TMEM132D: variants seen among roughly 807,000 people sequenced by gnomAD.
The protein encoded by TMEM132D is mature OL transmembrane protein.
A neutral mutation model predicts 62.3 loss-of-function variants in TMEM132D; 21 were observed. The observed-to-expected ratio is 0.34, with a 90% CI of 0.24 to 0.49. The LOEUF (loss-of-function observed/expected upper bound fraction) is 0.49, where lower values mean the gene tolerates loss of function less well. Ranked by LOEUF, TMEM132D falls within the 20% of genes least tolerant of loss-of-function variation. TMEM132D has a pLI of 0.99. For missense variants in TMEM132D, 1,346 were observed against 1,402.8 expected (o/e 0.96, Z 0.65); for synonymous variants, 621 against 575.6 (o/e 1.08, Z -1.13).
intron 1 of TMEM132D, among the ~76,000 whole-genome samples, chr12:129,790,598 A>C (rs1871375970): frequency 6.6e-6 from 1 of 152,040 alleles, no homozygotes; most frequent in African/African-American, 2.4e-5. Context: ...CCATAAGTGG[A>C]GCCTGGGGTT....
intron 1 of TMEM132D, among the ~76,000 whole-genome samples, chr12:129,714,917 G>A (rs570996916): frequency 3.3e-5 from 5 of 152,230 alleles, no homozygotes; most frequent in East Asian, 1.9e-4. Flanking sequence ...GACACAGAGC[G>A]CTGACTTTAT....
chr12:129,121,318 A>C (rs1876054117), intron 5 of TMEM132D, among the ~76,000 whole-genome samples: 1 of 151,716 alleles, frequency 6.6e-6, no homozygotes, highest in Non-Finnish European at 1.5e-5. Context: ...CTGGTCTCAA[A>C]CTCCTGACCT....
intron 5 of TMEM132D, among the ~76,000 whole-genome samples, chr12:129,122,554 T>G (rs1051742282): frequency 5.9e-5 from 9 of 152,192 alleles, no homozygotes; most frequent in Admixed American, 1.3e-4. Flanking sequence ...AGATATCTAT[T>G]GAATGATCAA....
chr12:129,866,997 C>T (rs115020850), intron 1 of TMEM132D, among the ~76,000 whole-genome samples: 2,986 of 152,052 alleles, frequency 0.02, 94 homozygotes, highest in African/African-American at 0.066. Context: ...CCTGTAATCC[C>T]GGCACCTTGC....
intron 1 of TMEM132D, among the ~76,000 whole-genome samples, chr12:129,876,541 C>G (rs796430673): frequency 2.5e-4 from 38 of 152,296 alleles, no homozygotes; most frequent in African/African-American, 8.4e-4. Context: ...CCAAGACCAA[C>G]TTGCTTAAAG....
chr12:129,567,452 T>C (rs1312869888), intron 2 of TMEM132D, among the ~76,000 whole-genome samples: 1 of 152,208 alleles, frequency 6.6e-6, no homozygotes, highest in Non-Finnish European at 1.5e-5. Context: ...TAAAAAAGTA[T>C]ATATGCAATA....
At chr12:129,605,089 T>C (rs1005930410) in intron 2 of TMEM132D, among the ~76,000 whole-genome samples, 1 of 152,180 alleles carries the variant, frequency 6.6e-6, no homozygotes, top group Non-Finnish European at 1.5e-5. Flanking sequence ...GTGATATAAA[T>C]CTGAGACACC....
chr12:129,473,274 C>T (rs1403175000), intron 3 of TMEM132D, among the ~76,000 whole-genome samples: 2 of 151,666 alleles, frequency 1.3e-5, no homozygotes, highest in South Asian at 2.1e-4. Flanking sequence ...CGATTAGGAC[C>T]CACTGAAGGC....
At chr12:129,411,804 G>A (rs751445656) in intron 3 of TMEM132D, among the ~76,000 whole-genome samples, 11 of 152,086 alleles carry the variant, frequency 7.2e-5, no homozygotes, top group South Asian at 2.1e-4. Context: ...TCGGCAGTCC[G>A]TCTTCCACAA....
At chr12:129,549,863 G>T (rs1167591086) in intron 2 of TMEM132D, among the ~76,000 whole-genome samples, 3 of 152,172 alleles carry the variant, frequency 2.0e-5, no homozygotes, top group Non-Finnish European at 4.4e-5. Flanking sequence ...TCATGCCCTT[G>T]CTGAGGACAA....
intron 3 of TMEM132D, among the ~76,000 whole-genome samples, chr12:129,450,788 A>G (rs1307254228): frequency 8.4e-6 from 1 of 119,084 alleles, no homozygotes; most frequent in African/African-American, 3.3e-5. Context: ...ACAGAGTCTC[A>G]CTCTGTCGCC....
intron 3 of TMEM132D, among the ~76,000 whole-genome samples, chr12:129,403,955 G>T (rs1385417318): frequency 7.2e-5 from 11 of 151,956 alleles, no homozygotes; most frequent in Non-Finnish European, 1.5e-5. Context: ...CGTGTTGGAG[G>T]GTCAGCAAGG....
chr12:129,454,115 C>T (rs1873387415), intron 3 of TMEM132D, among the ~76,000 whole-genome samples: 1 of 152,166 alleles, frequency 6.6e-6, no homozygotes, highest in East Asian at 1.9e-4. Context: ...GAATTTAATT[C>T]TTTGAGGTTA....
At chr12:129,266,054 TGA>T (rs1393702888) in intron 4 of TMEM132D, among the ~76,000 whole-genome samples, 3 of 152,156 alleles carry the variant, frequency 2.0e-5, no homozygotes, top group African/African-American at 7.2e-5. Context: ...CAATCTGCTC[TGA>T]GAGATTTTTG....
intron 4 of TMEM132D, among the ~76,000 whole-genome samples, chr12:129,314,222 T>C (rs1868406661): frequency 6.6e-6 from 1 of 152,224 alleles, no homozygotes; most frequent in African/African-American, 2.4e-5. Context: ...TTTCCAATGT[T>C]ATCTTCTAGA....
intron 1 of TMEM132D, among the ~76,000 whole-genome samples, chr12:129,847,672 T>C (rs1873405034): frequency 6.6e-6 from 1 of 152,100 alleles, no homozygotes; most frequent in African/African-American, 2.4e-5. Context: ...ACGTCCTTGC[T>C]CTATGACCGC....
At chr12:129,227,506 T>A (rs1182087832) in intron 4 of TMEM132D, among the ~76,000 whole-genome samples, 2 of 149,530 alleles carry the variant, frequency 1.3e-5, no homozygotes, top group Non-Finnish European at 3.0e-5. Context: ...TAAGCCAGTT[T>A]TATTCTTAAG....
At chr12:129,234,943 C>CATTAGATGTACATT (rs1879738531) in intron 4 of TMEM132D, among the ~76,000 whole-genome samples, 1 of 152,042 alleles carries the variant, frequency 6.6e-6, no homozygotes, top group Non-Finnish European at 1.5e-5. Flanking sequence ...CAAAGAACCT[C>CATTAGATGTACATT]ATTAGATGTA....
At chr12:129,711,453 CA>C (rs1881642458) in intron 1 of TMEM132D, among the ~76,000 whole-genome samples, 1 of 152,154 alleles carries the variant, frequency 6.6e-6, no homozygotes, top group Non-Finnish European at 1.5e-5. Flanking sequence ...AGGCCAGGCA[CA>C]GTGGCTCACG....
Sources: allele counts gnomAD v4.1 joint callset (sites outside exome capture counted in the v4.1 genomes callset), GRCh38; gene constraint gnomAD v4.1.1; transcripts MANE v1.5; gene names NCBI Gene and HGNC (gene_info 2026-07-23, HGNC 2026-07-21).